CEP128: variants seen among roughly 807,000 people sequenced by gnomAD.
CEP128 encodes centrosomal protein 128.
Under a neutral mutation model 156.7 loss-of-function variants are expected in CEP128, and 132 were observed. That is an observed-to-expected ratio of 0.84 (90% confidence interval 0.73 to 0.97). The LOEUF is 0.97. CEP128 is among the 50% of genes least tolerant of loss of function. The pLI is 0.00. For synonymous variants in CEP128, 469 were observed against 448.9 expected, an observed-to-expected ratio of 1.04 and a Z score of -0.57; for missense variants, 1,252 against 1,281.9, an observed-to-expected ratio of 0.98 and a Z score of 0.36.
At chr14:80,795,511 C>T (rs1384921764) in intron 13 of CEP128, among the ~76,000 whole-genome samples, 3 of 152,178 alleles carry the variant, frequency 2.0e-5, no homozygotes, top group African/African-American at 7.2e-5. Context: ...AACAAAACCA[C>T]CAACTCTAGG....
At chr14:80,862,947 T>G (rs1441200019) in intron 8 of CEP128, 74 bp from the exon 9 acceptor site, 2 of 1,018,008 alleles carry the variant, frequency 2.0e-6, no homozygotes, top group East Asian at 2.4e-5. Context: ...GAAGATAGTT[T>G]TATAGCAGAT....
At chr14:80,823,913 C>T (rs1885331814) in intron 13 of CEP128, among the ~76,000 whole-genome samples, 1 of 152,266 alleles carries the variant, frequency 6.6e-6, no homozygotes, top group African/African-American at 2.4e-5. Flanking sequence ...CCACATTTCC[C>T]TTCCACATTG....
intron 13 of CEP128, 118 bp from the exon 14 acceptor site, chr14:80,793,228 C>T (rs957315946): frequency 4.3e-6 from 3 of 702,064 alleles, no homozygotes; most frequent in African/African-American, 3.6e-5. Context: ...TATTAAAATT[C>T]ATTAGCAATC....
At chr14:80,831,438 G>C (rs143749217) in intron 12 of CEP128, 144 bp from the exon 13 acceptor site, 1 of 725,652 alleles carries the variant, frequency 1.4e-6, no homozygotes, top group African/African-American at 1.8e-5. Context: ...TTGCCAGCCT[G>C]TTGTTTCAAG....
rs1366182112 is a variant in CEP128, at chr14:80,550,616, A to AT, written c.2880+8662dup. On this transcript the variant is annotated intron_variant, in intron 21 of 24. Transcript: ENST00000555265. ...CCTAATATAAAATATATTTATGTTC[A>AT]TAAGTGTTTTTATCATTTTGCCATA... 3.3e-5 allele frequency among the ~76,000 whole-genome samples: 5 copies of AT among 151,626 alleles called. No homozygotes were observed. The East Asian group carries it at 9.7e-4, about 29-fold the overall frequency.
intron 13 of CEP128, chr14:80,822,496 C>CT: frequency 1.6e-6 from 1 of 608,878 alleles, no homozygotes; most frequent in East Asian, 3.7e-5. Flanking sequence ...CTGCATCCCG[C>CT]GTCCACCACC....
At chr14:80,890,437 T>G (rs1390633311) in intron 8 of CEP128, among the ~76,000 whole-genome samples, 1 of 152,178 alleles carries the variant, frequency 6.6e-6, no homozygotes, top group Non-Finnish European at 1.5e-5. Context: ...CATGGAATAC[T>G]ATCCAGTCAT....
At chr14:80,752,336 C>T (rs1267008334) in intron 18 of CEP128, among the ~76,000 whole-genome samples, 2 of 152,124 alleles carry the variant, frequency 1.3e-5, no homozygotes, top group African/African-American at 4.8e-5. Flanking sequence ...AAGTCAAATA[C>T]AAGTCAACCT....
At chr14:80,902,339 C>G (rs1320746006) in intron 6 of CEP128, among the ~76,000 whole-genome samples, 1 of 152,152 alleles carries the variant, frequency 6.6e-6, no homozygotes, top group Admixed American at 6.5e-5. Context: ...AGATATTGTT[C>G]TCTGTTCTGG....
At chr14:80,877,955 C>T (rs1888361161) in intron 8 of CEP128, among the ~76,000 whole-genome samples, 1 of 152,076 alleles carries the variant, frequency 6.6e-6, no homozygotes, top group Admixed American at 6.5e-5. Context: ...GGCACCCTAC[C>T]ACCTGGGTAC....
At chr14:80,593,106 C>T (rs536794785) in intron 19 of CEP128, among the ~76,000 whole-genome samples, 5 of 152,284 alleles carry the variant, frequency 3.3e-5, no homozygotes, top group East Asian at 1.9e-4. Context: ...AGGATGCCCT[C>T]TCTCACCACT....
chr14:80,505,495 T>C (rs1338389216), intron 23 of CEP128, among the ~76,000 whole-genome samples: 1 of 152,232 alleles, frequency 6.6e-6, no homozygotes, highest in African/African-American at 2.4e-5. Flanking sequence ...TATTTAGGAC[T>C]ATTCCTTATG....
intron 9 of CEP128, among the ~76,000 whole-genome samples, chr14:80,861,506 A>G (rs1431041941): frequency 6.6e-6 from 1 of 152,086 alleles, no homozygotes. Flanking sequence ...CAATTATCTG[A>G]GTTTCAAGCC....
Position 80,895,738 on chromosome 14 carries a change from C to G in CEP128, c.625G>C (p.Glu209Gln). 1 of 1,563,556 alleles carries G rather than the reference C, an allele frequency of 6.4e-7. No homozygotes were observed. The highest frequency in any genetic ancestry group is 1.2e-5 in the South Asian group (1 of 84,616). ...CTCACCACTTCTTGTTTCTGGGCTT[C>G]ATTAAGTTTTTCAGTCAATTCTTCC... ...ALEELTEKLN[E>Q]AQKQEVVSDR... The change falls in exon 8 of 25, where the codon GAA (glutamate) becomes CAA (glutamine). Residue 209 changes from glutamate (E) to glutamine (Q), a missense_variant. Coordinates refer to ENST00000555265, the MANE Select transcript of CEP128 (RefSeq NM_152446.5).
At chr14:80,531,741 A>C (rs1889235403) in intron 21 of CEP128, among the ~76,000 whole-genome samples, 1 of 152,182 alleles carries the variant, frequency 6.6e-6, no homozygotes, top group South Asian at 2.1e-4. Context: ...AAGAAAGAGA[A>C]GTGTACTGCA....
intron 21 of CEP128, among the ~76,000 whole-genome samples, chr14:80,540,865 C>T (rs1482909101): frequency 2.6e-5 from 4 of 152,112 alleles, no homozygotes; most frequent in African/African-American, 9.7e-5. Flanking sequence ...TAGGCGGAAT[C>T]CCCAGAAGGC....
chr14:80,740,523 T>C (rs543899389), intron 19 of CEP128, among the ~76,000 whole-genome samples: 9 of 139,232 alleles, frequency 6.5e-5, no homozygotes, highest in Non-Finnish European at 8.0e-5. Flanking sequence ...GATAGATAGA[T>C]AGATAGATAG....
At chr14:80,492,338 C>T (rs1014857947), downstream of CEP128, among the ~76,000 whole-genome samples, 3 of 152,128 alleles carry the variant, frequency 2.0e-5, no homozygotes, top group Non-Finnish European at 4.4e-5. Context: ...GGTTAATAGA[C>T]CAGGTCACAC....
chr14:80,931,186 C>A (rs1008878797), intron 2 of CEP128, among the ~76,000 whole-genome samples: 4 of 152,222 alleles, frequency 2.6e-5, no homozygotes, highest in Non-Finnish European at 4.4e-5. Flanking sequence ...CTATTAAAGT[C>A]TTTGAATGAT....
Sources: gnomAD v4.1 joint callset for allele counts (sites outside exome capture counted in the v4.1 genomes callset) on GRCh38, gnomAD v4.1.1 for gene constraint, MANE v1.5 for transcripts, NCBI Gene and HGNC (gene_info 2026-07-23, HGNC 2026-07-21) for gene names.